Variants in TFF3 observed in about 807,000 individuals in gnomAD.
TFF3 encodes trefoil factor 3.
In TFF3, 6 loss-of-function variants were observed where a neutral mutation model predicts 9.7. That is an observed-to-expected ratio of 0.62 (90% confidence interval 0.34 to 1.22). The LOEUF is 1.22. TFF3 is among the 50% of genes most tolerant of loss of function. The probability of loss-of-function intolerance (pLI) is 0.04; values close to 1 mark genes in which losing one functional copy is unlikely to be tolerated. For missense variants in TFF3, 93 were observed against 98.6 expected, an observed-to-expected ratio of 0.94 and a Z score of 0.24; for synonymous variants, 48 against 41.4, an observed-to-expected ratio of 1.16 and a Z score of -0.61.
chr21:42,312,330 C>T, intron 2 of TFF3, 61 bp from the exon 3 acceptor site: 1 of 1,543,722 alleles, frequency 6.5e-7, no homozygotes, highest in Non-Finnish European at 8.7e-7. Flanking sequence ...CCCAGCTTCC[C>T]AAGGTCAGGG....
At position 42,312,005 on chromosome 21, in the gene TFF3, C is replaced by T. The variant is rs546052912; in HGVS notation, c.*251G>A. 8 of 689,346 alleles carry T rather than the reference C, an allele frequency of 1.2e-5. No homozygotes were observed. The highest frequency in any genetic ancestry group is 7.0e-5 in the African/African-American group (4 of 56,992). 42.7% of individuals were successfully genotyped at this position (689,346 alleles called of 1,614,324 possible). A position where few individuals can be genotyped will look rare whatever the true frequency, so the allele number is the denominator to read the frequency against. On this transcript the variant is annotated 3_prime_UTR_variant, in exon 3 of 3. Coordinates refer to ENST00000518498, the MANE Select transcript of TFF3 (RefSeq NM_003226.4). ...GGCAGACTCTCCCCTGACACCCTCC[C>T]GCCCTCTCCCACGACGCAGCAGAAA...
chr21:42,313,879 T>C lies in TFF3; in HGVS notation c.83-248A>G, dbSNP rs939325438. 1.3e-5 allele frequency among the ~76,000 whole-genome samples: 2 copies of C among 152,174 alleles called. No homozygotes were observed. Among genetic ancestry groups the C allele is most frequent in the African/African-American group, 4.8e-5 (2 of 41,432 alleles). On this transcript the variant is annotated intron_variant, in intron 1 of 2. Transcript: ENST00000518498. This position sits in a 1 kb window ranked among gnomAD's most constrained non-coding sequence, Gnocchi z 4.0. ...TGTCTTTCTCCTTGGCACGCTCTTA[T>C]CACCTTCTCGGGAAGTCACATACGG...
At chr21:42,314,337 G>A (rs1601480015) in intron 1 of TFF3, among the ~76,000 whole-genome samples, 1 of 152,308 alleles carries the variant, frequency 6.6e-6, no homozygotes, top group African/African-American at 2.4e-5. Context: ...GCTCACACTG[G>A]AATCAGCTGC....
rs914081516 is a variant in TFF3 at position 42,313,041 on chromosome 21, G to A, written c.229+444C>T. Among the ~76,000 whole-genome samples, 4 of 152,126 alleles carry A rather than the reference G, an allele frequency of 2.6e-5. No homozygotes were observed. Among genetic ancestry groups the A allele is most frequent in the African/African-American group, 7.2e-5 (3 of 41,440 alleles). On this transcript the variant is annotated intron_variant, in intron 2 of 2. Coordinates refer to ENST00000518498, the MANE Select transcript of TFF3 (RefSeq NM_003226.4). The surrounding 1 kb of genome is among the most constrained non-coding windows in gnomAD (Gnocchi z 4.0). ...AGATGACCCTTGTGGGGGGCAGAGT[G>A]GGGGAGGTGGGGTGTGGCACCGAGG...
chr21:42,312,414 G>A (rs2146376764), intron 2 of TFF3, 145 bp from the exon 3 acceptor site: 1 of 954,886 alleles, frequency 1.0e-6, no homozygotes, highest in East Asian at 2.5e-5. Flanking sequence ...CCACCACATG[G>A]GGGAATAGCC....
chr21:42,313,510 C>T lies in TFF3; in HGVS notation c.204G>A (p.Trp68Ter). The change falls in exon 2 of 3, where the codon TGG becomes TGA. Residue 68 changes from tryptophan to a stop codon, truncating the protein, a stop_gained. Transcript: ENST00000518498. LOFTEE classifies it high-confidence loss of function. The surrounding 1 kb of genome is among the most constrained non-coding windows in gnomAD (Gnocchi z 4.0). ...CTGCTTCCTGCAGGGGCTTGAAACA[C>T]CAAGGCACTCCAGGGATCCTGGAGT... ...CFDSRIPGVP[W>*]CFKPLQEAEC... The T allele has an allele frequency of 5.6e-6, 9 of 1,609,692 alleles. No homozygotes were observed. The highest frequency in any genetic ancestry group is 7.6e-6 in the Non-Finnish European group (9 of 1,178,880).
chr21:42,311,890 T>C lies in TFF3; in HGVS notation c.*366A>G, dbSNP rs192387916. 2.2e-6 allele frequency: 1 copy of C among 461,050 alleles called. No homozygotes were observed. The highest frequency in any genetic ancestry group is 2.0e-5 in the African/African-American group (1 of 50,042). 28.6% of individuals were successfully genotyped at this position (461,050 alleles called of 1,614,324 possible). ...AGCGGCACTTACAGTGTTCCTAGGC[T>C]TTCCTGTGACGTGGGTGCCAGTCTG... is the stretch of plus-strand genomic sequence containing the variant. On this transcript the variant is annotated 3_prime_UTR_variant, in exon 3 of 3. Transcript: ENST00000518498.
rs143857643 is a variant in TFF3 at position 42,315,119 on chromosome 21, C to T, written c.82+174G>A. The stretch of plus-strand genomic sequence containing the variant: ...TAAGTTGTTAACTTTCTCTGAGCCT[C>T]GGTTTCCTTGTCTGTGAAATGGGGA... On this transcript the variant is annotated intron_variant, in intron 1 of 2. Transcript: ENST00000518498. Among the ~76,000 whole-genome samples, 49 of 152,294 alleles carry T rather than the reference C, an allele frequency of 3.2e-4. No homozygotes were observed. The East Asian group carries it at 8.9e-3, about 28-fold the overall frequency.
In TFF3 at chr21:42,313,887, T is replaced by G. The variant is rs2069344855; in HGVS notation, c.83-256A>C. Among the ~76,000 whole-genome samples, 1 of 152,170 alleles carries G rather than the reference T, an allele frequency of 6.6e-6. No individual in the cohort carries two copies. The highest frequency in any genetic ancestry group is 1.5e-5 in the Non-Finnish European group (1 of 68,030). On this transcript the variant is annotated intron_variant, in intron 1 of 2. Coordinates refer to ENST00000518498, the MANE Select transcript of TFF3 (RefSeq NM_003226.4). This position sits in a 1 kb window ranked among gnomAD's most constrained non-coding sequence, Gnocchi z 4.0. ...TCCTTGGCACGCTCTTATCACCTTCTCGGGAAGTCACATACGGACCTGGGT... is the reference window on the plus strand; with the variant it reads ...TCCTTGGCACGCTCTTATCACCTTCGCGGGAAGTCACATACGGACCTGGGT...
chr21:42,313,403 C>T lies in TFF3; in HGVS notation c.229+82G>A. On this transcript the variant is annotated intron_variant, in intron 2 of 2. Coordinates refer to ENST00000518498, the MANE Select transcript of TFF3 (RefSeq NM_003226.4). The surrounding 1 kb of genome is among the most constrained non-coding windows in gnomAD (Gnocchi z 4.0). Reference sequence around the variant, plus strand: ...TCCTGGGGTCCTTGTGCCTCCATCTCCAGCCCAGAAAGGACAGGGAGGCCC... The same window carrying T: ...TCCTGGGGTCCTTGTGCCTCCATCTTCAGCCCAGAAAGGACAGGGAGGCCC... The T allele has an allele frequency of 1.3e-5, 19 of 1,501,730 alleles. No individual in the cohort carries two copies. Among genetic ancestry groups the T allele is most frequent in the Admixed American group, 2.3e-5 (1 of 43,528 alleles). The allele number at this position is 1,501,730 out of a possible 1,614,324, so 93.0% of individuals were successfully genotyped here. A position where few individuals can be genotyped will look rare whatever the true frequency, so the allele number is the denominator to read the frequency against.
rs2069339651 is a variant in TFF3 at position 42,313,033 on chromosome 21, G to A, written c.229+452C>T. Among the ~76,000 whole-genome samples, 3 of 152,134 alleles carry A rather than the reference G, an allele frequency of 2.0e-5. No homozygotes were observed. The highest frequency in any genetic ancestry group is 7.2e-5 in the African/African-American group (3 of 41,444). On this transcript the variant is annotated intron_variant, in intron 2 of 2. Coordinates refer to ENST00000518498, the MANE Select transcript of TFF3 (RefSeq NM_003226.4). This position sits in a 1 kb window ranked among gnomAD's most constrained non-coding sequence, Gnocchi z 4.0. Reference sequence around the variant, plus strand: ...GGGAGAGGAGATGACCCTTGTGGGGGGCAGAGTGGGGGAGGTGGGGTGTGG... The same window carrying A: ...GGGAGAGGAGATGACCCTTGTGGGGAGCAGAGTGGGGGAGGTGGGGTGTGG...
chr21:42,312,672 C>T (rs2069337361), intron 2 of TFF3, among the ~76,000 whole-genome samples: 1 of 152,110 alleles, frequency 6.6e-6, no homozygotes, highest in African/African-American at 2.4e-5. Flanking sequence ...TGGGCAGGGG[C>T]CCATCATTGA....
At chr21:42,315,272 G>A (rs752003600) in intron 1 of TFF3, 21 bp downstream of exon 1, 1 of 1,601,408 alleles carries the variant, frequency 6.2e-7, no homozygotes, top group Non-Finnish European at 8.5e-7. Flanking sequence ...CTGCCACCGG[G>A]GCAGTCAGGG....
rs1422630723 is a variant in TFF3, at chr21:42,313,466, G to A, written c.229+19C>T. The stretch of plus-strand genomic sequence containing the variant: ...CCTTATGGGGCTGGGCCCAGACCAC[G>A]ATGCCACTGGGGCCTTACCTGCTTC... On this transcript the variant is annotated intron_variant, in intron 2 of 2. Transcript: ENST00000518498. The surrounding 1 kb of genome is among the most constrained non-coding windows in gnomAD (Gnocchi z 4.0). The A allele has an allele frequency of 3.8e-6, 6 of 1,596,364 alleles. No individual in the cohort carries two copies. Among genetic ancestry groups the A allele is most frequent in the East Asian group, 2.3e-5 (1 of 43,774 alleles).
At position 42,313,578 on chromosome 21, in the gene TFF3, G is replaced by C; in HGVS notation, c.136C>G (p.His46Asp). 6 of 1,611,272 alleles carry C rather than the reference G, an allele frequency of 3.7e-6. No homozygotes were observed. Among genetic ancestry groups the C allele is most frequent in the Non-Finnish European group, 5.1e-6 (6 of 1,179,620 alleles). The change falls in exon 2 of 3, where the codon CAT (histidine) becomes GAT (aspartate). Residue 46 changes from histidine to aspartate, a missense_variant. His to Asp is a moderately conservative substitution (Grantham distance 81, BLOSUM62 -1). Coordinates refer to ENST00000518498, the MANE Select transcript of TFF3 (RefSeq NM_003226.4). This position sits in a 1 kb window ranked among gnomAD's most constrained non-coding sequence, Gnocchi z 4.0. ...TTGTTGCACTCCTTGGGGGTGACAT[G>C]GGGGTAGCCGCAGTCCACCCTGTCC... ...AKDRVDCGYPHVTPKECNNRG... is the reference protein window; with the variant it reads ...AKDRVDCGYPDVTPKECNNRG...
Position 42,312,258 on chromosome 21 carries a change from A to T in TFF3, c.241T>A (p.Ter81ArgextTer52). 2 of 1,611,576 alleles carry T rather than the reference A, an allele frequency of 1.2e-6. No homozygotes were observed. The highest frequency in any genetic ancestry group is 1.7e-6 in the Non-Finnish European group (2 of 1,178,746). The change falls in exon 3 of 3, where the codon TGA becomes AGA. Residue 81 changes from the stop codon to arginine (R), a stop_lost. Transcript: ENST00000518498. ...KPLQEAECTF[*>R] ...GGCCGGGGGCAGCTGGAGGTGCCTC[A>T]GAAGGTGCATTCTGCAAACAGAGCA...
chr21:42,314,483 A>G (rs1030474916), intron 1 of TFF3, among the ~76,000 whole-genome samples: 1 of 152,136 alleles, frequency 6.6e-6, no homozygotes, highest in African/African-American at 2.4e-5. Flanking sequence ...GCGAAACTCC[A>G]TCTCTACTAA....
intron 1 of TFF3, among the ~76,000 whole-genome samples, chr21:42,314,372 G>C (rs1758680738): frequency 6.6e-6 from 1 of 152,180 alleles, no homozygotes; most frequent in African/African-American, 2.4e-5. Context: ...GACTGACGTT[G>C]GCTGGGCATG....
chr21:42,311,938 A>C lies in TFF3; in HGVS notation c.*318T>G. 2 of 569,678 alleles carry C rather than the reference A, an allele frequency of 3.5e-6. No individual in the cohort carries two copies. The highest frequency in any genetic ancestry group is 6.3e-6 in the Non-Finnish European group (2 of 316,492). 35.3% of individuals were successfully genotyped at this position (569,678 alleles called of 1,614,324 possible). ...CTGGATTCAAAATATCCTTGCATGC[A>C]CTGCAGCTCCTTAGGGAGTCTTTTC... On this transcript the variant is annotated 3_prime_UTR_variant, in exon 3 of 3. Coordinates refer to ENST00000518498, the MANE Select transcript of TFF3 (RefSeq NM_003226.4).
Sources: allele counts gnomAD v4.1 joint callset (sites outside exome capture counted in the v4.1 genomes callset), GRCh38; gene constraint gnomAD v4.1.1; non-coding constraint Gnocchi (gnomAD v3.1); transcripts MANE v1.5; gene names NCBI Gene and HGNC (gene_info 2026-07-23, HGNC 2026-07-21).